Variants in TRHDE observed in about 807,000 individuals in gnomAD.
TRHDE encodes the protein thyrotropin releasing hormone degrading enzyme.
TRHDE carries 72 observed loss-of-function variants against 125.7 expected under a neutral mutation model. That is an observed-to-expected ratio of 0.57 (90% CI 0.47 to 0.70). The LOEUF (loss-of-function observed/expected upper bound fraction) is 0.70. Among genes scored for constraint, TRHDE ranks in the 30% least tolerant of loss-of-function variants. The pLI is 0.00. For missense variants in TRHDE, 1,110 were observed against 1,327.1 expected (o/e 0.84, Z 2.54); for synonymous variants, 509 against 509.1 (o/e 1.00, Z 0.00).
At chr12:72,218,167 T>A (rs1877932065) in intron 2 of TRHDE, among the ~76,000 whole-genome samples, 1 of 152,158 alleles carries the variant, frequency 6.6e-6, no homozygotes, top group Admixed American at 6.5e-5. Context: ...GTGAAGTTAC[T>A]TTCCATATGA....
At chr12:72,141,729 T>C (rs1167053059) in intron 2 of TRHDE, among the ~76,000 whole-genome samples, 1 of 152,230 alleles carries the variant, frequency 6.6e-6, no homozygotes, top group African/African-American at 2.4e-5. Flanking sequence ...CATGCTATAA[T>C]GTAGGTAGTA....
chr12:72,208,615 T>A (rs1877715976), intron 2 of TRHDE, among the ~76,000 whole-genome samples: 1 of 152,316 alleles, frequency 6.6e-6, no homozygotes, highest in East Asian at 1.9e-4. Context: ...CCTCTGCATC[T>A]ATTTTTTTCT....
chr12:72,186,068 C>G (rs529247208), intron 2 of TRHDE: 1 of 152,442 alleles, frequency 6.6e-6, no homozygotes, highest in South Asian at 2.1e-4. Context: ...TAAAAGTAGG[C>G]TGCCGGAGCC....
chr12:72,396,833 A>G (rs1872812451), intron 3 of TRHDE, among the ~76,000 whole-genome samples: 2 of 152,130 alleles, frequency 1.3e-5, no homozygotes, highest in South Asian at 2.1e-4. Flanking sequence ...CTCACTGGCT[A>G]TTCCTTCTCA....
intron 13 of TRHDE, among the ~76,000 whole-genome samples, chr12:72,620,452 G>A (rs532081358): frequency 1.3e-5 from 2 of 151,990 alleles, no homozygotes; most frequent in South Asian, 4.2e-4. Flanking sequence ...GAATCTGAGA[G>A]GCGGAGGATG....
intron 2 of TRHDE, among the ~76,000 whole-genome samples, chr12:72,134,388 A>G (rs1352146807): frequency 6.6e-6 from 1 of 152,116 alleles, no homozygotes; most frequent in Non-Finnish European, 1.5e-5. Context: ...GGAGCATAAG[A>G]AGTAGGATAA....
At chr12:72,518,793 C>T (rs953489186) in intron 6 of TRHDE, among the ~76,000 whole-genome samples, 1 of 152,186 alleles carries the variant, frequency 6.6e-6, no homozygotes, top group East Asian at 1.9e-4. Context: ...CTGGTCGTTC[C>T]TTTCCATGTT....
chr12:72,589,922 TG>T (rs1316203109), intron 12 of TRHDE, among the ~76,000 whole-genome samples: 1 of 152,038 alleles, frequency 6.6e-6, no homozygotes, highest in Non-Finnish European at 1.5e-5. Context: ...TACTTCTGTC[TG>T]CTTAAAATTT....
At chr12:72,249,990 TAAG>T (rs1403954454) in intron 2 of TRHDE, among the ~76,000 whole-genome samples, 5 of 152,160 alleles carry the variant, frequency 3.3e-5, no homozygotes, top group African/African-American at 1.2e-4. Context: ...AATAAACTGA[TAAG>T]AAGAACTGCA....
intron 6 of TRHDE, among the ~76,000 whole-genome samples, chr12:72,529,624 G>A (rs1370985705): frequency 6.6e-6 from 1 of 152,082 alleles, no homozygotes; most frequent in Admixed American, 6.6e-5. Context: ...ATTAGAATTA[G>A]AAATTAGAAA....
chr12:72,130,128 T>C (rs1352047093), intron 2 of TRHDE, among the ~76,000 whole-genome samples: 1 of 151,858 alleles, frequency 6.6e-6, no homozygotes, highest in Non-Finnish European at 1.5e-5. Context: ...GGTGAAACCC[T>C]GTCTCTACTA....
rs1274026608 is a variant in TRHDE at position 72,656,888 on chromosome 12, T to C, written c.2985-39T>C. ...TTTATAGTAATATTTTTTAAAATTA[T>C]GACCTGCATTGACATTAAGACTCTT... On this transcript the variant is annotated intron_variant, in intron 17 of 18. Coordinates refer to ENST00000261180, the MANE Select transcript of TRHDE (RefSeq NM_013381.3). The C allele has an allele frequency of 1.3e-5, 17 of 1,318,716 alleles. No homozygotes were observed. The Admixed American group carries it at 1.5e-4, about 12-fold the overall frequency. The allele number at this position is 1,318,716 out of a possible 1,614,324, so 81.7% of individuals were successfully genotyped here.
At chr12:72,154,504 A>G (rs141332674) in intron 2 of TRHDE, among the ~76,000 whole-genome samples, 1 of 152,130 alleles carries the variant, frequency 6.6e-6, no homozygotes, top group Admixed American at 6.5e-5. Flanking sequence ...GGTCTTTACA[A>G]TTTGGCATGT....
At chr12:72,520,457 C>G (rs998899964) in intron 6 of TRHDE, among the ~76,000 whole-genome samples, 13 of 152,180 alleles carry the variant, frequency 8.5e-5, no homozygotes, top group African/African-American at 2.7e-4. Flanking sequence ...CTCCCTGACC[C>G]TTTGCGCTTC....
rs75536362 is a variant in TRHDE at position 72,566,167 on chromosome 12, C to T, written c.2043-2401C>T. On this transcript the variant is annotated intron_variant, in intron 9 of 18. Coordinates refer to ENST00000261180, the MANE Select transcript of TRHDE (RefSeq NM_013381.3). ...AAAGTTATGAAATGTATTAACAGTACGGTATTTCAAAAATAAATACAAATT... is the reference window on the plus strand; with the variant it reads ...AAAGTTATGAAATGTATTAACAGTATGGTATTTCAAAAATAAATACAAATT... Among the ~76,000 whole-genome samples the T allele has an allele frequency of 1.7e-3, 265 of 151,898 alleles. 7 individuals carry two copies. The East Asian group carries it at 0.045, about 26-fold the overall frequency.
chr12:72,558,330 T>A (rs1480219544), intron 7 of TRHDE, among the ~76,000 whole-genome samples: 1 of 152,132 alleles, frequency 6.6e-6, no homozygotes, highest in Non-Finnish European at 1.5e-5. Context: ...GGAAATTGAA[T>A]TGAATTGAGG....
intron 12 of TRHDE, among the ~76,000 whole-genome samples, chr12:72,615,311 T>C (rs1172013113): frequency 1.3e-5 from 2 of 152,164 alleles, no homozygotes; most frequent in Non-Finnish European, 2.9e-5. Flanking sequence ...CCTGTGGTGA[T>C]GCAAATTTAG....
intron 2 of TRHDE, among the ~76,000 whole-genome samples, chr12:72,371,787 A>C (rs974710785): frequency 6.5e-4 from 99 of 152,114 alleles, no homozygotes; most frequent in Non-Finnish European, 1.1e-3. Flanking sequence ...AATCCAATCT[A>C]TCATTGTTGG....
At chr12:72,297,092 T>G (rs1592527195) in intron 2 of TRHDE, among the ~76,000 whole-genome samples, 1 of 152,134 alleles carries the variant, frequency 6.6e-6, no homozygotes, top group Non-Finnish European at 1.5e-5. Flanking sequence ...GGAATAAGAA[T>G]AGAGAAAGCA....
Sources: allele counts gnomAD v4.1 joint callset (sites outside exome capture counted in the v4.1 genomes callset), GRCh38; gene constraint gnomAD v4.1.1; transcripts MANE v1.5; gene names NCBI Gene and HGNC (gene_info 2026-07-23, HGNC 2026-07-21).